Variants in RALGAPB observed in about 807,000 individuals in gnomAD.
RALGAPB encodes Ral GTPase activating protein non-catalytic subunit beta.
RALGAPB carries 25 observed loss-of-function variants against 161.1 expected under a neutral mutation model. The ratio of observed to expected loss-of-function variants is 0.16; its 90% confidence interval spans 0.11 to 0.22. RALGAPB has a LOEUF of 0.22. RALGAPB is among the 10% of genes least tolerant of loss of function. RALGAPB has a pLI of 1.00. For missense variants in RALGAPB, 1,391 were observed against 1,815.2 expected (o/e 0.77, Z 4.25); for synonymous variants, 629 against 626.1 (o/e 1.00, Z -0.07).
chr20:38,524,902 G>A lies in RALGAPB; in HGVS notation c.1744G>A (p.Val582Ile), dbSNP rs1224820304. The A allele has an allele frequency of 6.2e-7, 1 of 1,611,604 alleles. No homozygotes were observed. The highest frequency in any genetic ancestry group is 1.1e-5 in the South Asian group (1 of 91,028). Residue 582 changes from valine (V) to isoleucine (I), a missense_variant, in exon 11 of 30, where the codon GTT becomes ATT. By Grantham distance (29) the Val-to-Ile change is conservative. Around this residue, in one of 3 missense-constraint regions of RALGAPB, gnomAD observed 946 missense variants for 1,257.2 expected, o/e 0.75. Coordinates refer to ENST00000262879, the MANE Select transcript of RALGAPB (RefSeq NM_020336.4). The part of the protein sequence containing the change: ...CCDLKGIDVV[V>I]PYFISALETI... ...TGACTTGAAAGGGATTGATGTTGTGGTTCCTTACTTTATTTCAGCTCTTGA... is the reference window on the plus strand; with the variant it reads ...TGACTTGAAAGGGATTGATGTTGTGATTCCTTACTTTATTTCAGCTCTTGA...
intron 29 of RALGAPB, among the ~76,000 whole-genome samples, chr20:38,574,511 A>G: frequency 6.6e-6 from 1 of 152,194 alleles, no homozygotes; most frequent in East Asian, 1.9e-4. Context: ...AACTTCTAGT[A>G]TTAAAATATT....
chr20:38,533,480 A>T (rs2086716651), intron 15 of RALGAPB, among the ~76,000 whole-genome samples: 1 of 152,208 alleles, frequency 6.6e-6, no homozygotes, highest in African/African-American at 2.4e-5. Flanking sequence ...CTAACAGTGT[A>T]TTAAATCTGT....
intron 16 of RALGAPB, among the ~76,000 whole-genome samples, chr20:38,537,082 A>G (rs1030185887): frequency 2.6e-5 from 4 of 152,238 alleles, no homozygotes; most frequent in Non-Finnish European, 4.4e-5. Context: ...ATAAAGGGCT[A>G]ACACTACCTG....
intron 6 of RALGAPB, among the ~76,000 whole-genome samples, chr20:38,509,847 T>A (rs934964224): frequency 6.6e-6 from 1 of 152,244 alleles, no homozygotes; most frequent in East Asian, 1.9e-4. Flanking sequence ...TTTTTCTATT[T>A]TGTGTATCAG....
chr20:38,532,645 A>G, intron 14 of RALGAPB, 85 bp from the exon 15 acceptor site: 1 of 1,517,284 alleles, frequency 6.6e-7, no homozygotes, highest in South Asian at 1.1e-5. Context: ...ATTCTGCTTT[A>G]TCAACATGGT....
chr20:38,548,583 A>C (rs1021995204), intron 19 of RALGAPB, 106 bp from the exon 20 acceptor site: 2 of 869,800 alleles, frequency 2.3e-6, no homozygotes, highest in African/African-American at 3.4e-5. Flanking sequence ...AAGCTTAGGA[A>C]ACACTGTTGG....
chr20:38,562,811 T>C (rs1332742209), intron 24 of RALGAPB, 114 bp downstream of exon 24: 1 of 1,206,438 alleles, frequency 8.3e-7, no homozygotes, highest in Non-Finnish European at 1.1e-6. Context: ...CCAGGCTGGG[T>C]ACAGTGGCGC....
In RALGAPB at chr20:38,541,043, C is replaced by T; in HGVS notation, c.2565C>T (p.Asp855=). 1.2e-6 allele frequency: 2 copies of T among 1,612,460 alleles called. No individual in the cohort carries two copies. Among genetic ancestry groups the T allele is most frequent in the Non-Finnish European group, 1.7e-6 (2 of 1,179,148 alleles). Reference sequence around the variant, plus strand: ...TGATCTGCCTTTCCTGCTTTTAGGACTGCCTTAAGGAAGTACTGGAGATTG... The same window carrying T: ...TGATCTGCCTTTCCTGCTTTTAGGATTGCCTTAAGGAAGTACTGGAGATTG... ...TEHPDMLDEK[D]CLKEVLEIVE... Residue 855 remains aspartate, a splice_region_variant and synonymous_variant, in exon 18 of 30, where the codon GAC becomes GAT. Transcript: ENST00000262879.
At position 38,497,263 on chromosome 20, in the gene RALGAPB, C is replaced by T. The variant is rs1296621802; in HGVS notation, c.390-90C>T. 1.1e-5 allele frequency: 13 copies of T among 1,201,856 alleles called. No homozygotes were observed. In the East Asian group the frequency reaches 2.8e-4, roughly 26 times the overall value. 74.4% of individuals were successfully genotyped at this position (1,201,856 alleles called of 1,614,324 possible). ...ATAATATTAGGGAGCTTCATTGGAC[C>T]ACTGCTTGCTACATCCATAAGTCAC... On this transcript the variant is annotated intron_variant, in intron 3 of 29. Transcript: ENST00000262879.
At chr20:38,473,662 T>C (rs761073843) in intron 1 of RALGAPB, among the ~76,000 whole-genome samples, 1 of 152,134 alleles carries the variant, frequency 6.6e-6, no homozygotes, top group Non-Finnish European at 1.5e-5. Context: ...CAAGGTCACA[T>C]AGCTAGTAAT....
chr20:38,532,595 C>T lies in RALGAPB; in HGVS notation c.2116-135C>T, dbSNP rs1370523022. 50 of 1,068,524 alleles carry T rather than the reference C, an allele frequency of 4.7e-5. 1 individual carries two copies. The Admixed American group carries it at 1.1e-3, about 23-fold the overall frequency. 66.2% of individuals were successfully genotyped at this position (1,068,524 alleles called of 1,614,324 possible). On this transcript the variant is annotated intron_variant, in intron 14 of 29. Transcript: ENST00000262879. ...TACCACAGTGGTTTTAATCCCTTGTCAATTTCTGTTACTATCAGTTTGTAC... is the reference window on the plus strand; with the variant it reads ...TACCACAGTGGTTTTAATCCCTTGTTAATTTCTGTTACTATCAGTTTGTAC...
At chr20:38,558,247 A>G in intron 22 of RALGAPB, 48 bp from the exon 23 acceptor site, 1 of 1,394,294 alleles carries the variant, frequency 7.2e-7, no homozygotes, top group Non-Finnish European at 9.5e-7. Flanking sequence ...TAATTATAAC[A>G]ATGAAAGAAA....
chr20:38,569,790 C>G, intron 26 of RALGAPB, 98 bp from the exon 27 acceptor site: 1 of 847,100 alleles, frequency 1.2e-6, no homozygotes, highest in Non-Finnish European at 1.9e-6. Flanking sequence ...TACTTGGTCA[C>G]TGAGCACCTT....
intron 1 of RALGAPB, among the ~76,000 whole-genome samples, chr20:38,480,035 G>A (rs2084921951): frequency 1.3e-5 from 2 of 151,614 alleles, no homozygotes; most frequent in Admixed American, 6.6e-5. Context: ...AGGCTGGAGT[G>A]CAGTGGTGCG....
intron 2 of RALGAPB, among the ~76,000 whole-genome samples, chr20:38,490,487 C>T (rs187524621): frequency 2.0e-4 from 30 of 150,436 alleles, no homozygotes; most frequent in African/African-American, 4.6e-4. Context: ...GTATTACAGG[C>T]GTGAGCCACC....
intron 6 of RALGAPB, among the ~76,000 whole-genome samples, chr20:38,512,266 A>G (rs973428076): frequency 6.6e-6 from 1 of 152,256 alleles, no homozygotes; most frequent in Non-Finnish European, 1.5e-5. Context: ...CTTCTGAGAT[A>G]TGGGCACATA....
intron 6 of RALGAPB, among the ~76,000 whole-genome samples, chr20:38,514,229 T>C (rs985921175): frequency 6.6e-5 from 10 of 152,218 alleles, no homozygotes; most frequent in Admixed American, 5.9e-4. Flanking sequence ...TTGTTTCTCT[T>C]TGCTTTTTTG....
At position 38,497,374 on chromosome 20, in the gene RALGAPB, G is replaced by C; in HGVS notation, c.411G>C (p.Gln137His). The change falls in exon 4 of 30, where the codon CAG becomes CAC. Residue 137 changes from glutamine (Q) to histidine (H), a missense_variant. By Grantham distance (24) the Gln-to-His change is conservative (BLOSUM62 0). Coordinates refer to ENST00000262879, the MANE Select transcript of RALGAPB (RefSeq NM_020336.4). ...FVPRQEQGSS[Q>H]IRLCLQVLRA... ...TCAGACAGGAACAGGGTTCCAGTCA[G>C]ATTCGACTATGCTTACAGGTCCTGA... 6.2e-7 allele frequency: 1 copy of C among 1,614,072 alleles called. No individual in the cohort carries two copies. The highest frequency in any genetic ancestry group is 1.1e-5 in the South Asian group (1 of 91,074).
intron 26 of RALGAPB, 94 bp from the exon 27 acceptor site, chr20:38,569,793 AG>A: frequency 1.2e-6 from 1 of 862,758 alleles, no homozygotes; most frequent in Non-Finnish European, 1.9e-6. Flanking sequence ...TTGGTCACTG[AG>A]CACCTTGACA....
Sources: gnomAD v4.1 joint callset for allele counts (sites outside exome capture counted in the v4.1 genomes callset) on GRCh38, gnomAD v4.1.1 for gene constraint, gnomAD v4.1.1 regional missense constraint, MANE v1.5 for transcripts, NCBI Gene and HGNC (gene_info 2026-07-23, HGNC 2026-07-21) for gene names.